Variants in WWP1 observed in about 807,000 individuals in gnomAD.
WWP1 encodes WW domain containing E3 ubiquitin protein ligase 1.
WWP1 carries 49 observed loss-of-function variants against 130.6 expected under a neutral mutation model. That is an observed-to-expected ratio of 0.38 (90% CI 0.30 to 0.48). The LOEUF is 0.48. WWP1 is among the 20% of genes least tolerant of loss of function. The pLI is 0.99. For synonymous variants in WWP1, 332 were observed against 367.8 expected, an observed-to-expected ratio of 0.90 and a Z score of 1.11; for missense variants, 809 against 1,100.6, an observed-to-expected ratio of 0.74 and a Z score of 3.75.
chr8:86,393,411 C>G (rs550682195), intron 5 of WWP1, among the ~76,000 whole-genome samples: 1 of 152,086 alleles, frequency 6.6e-6, no homozygotes, highest in South Asian at 2.1e-4. Context: ...CCATGCCTGG[C>G]TAATTTTTGT....
At position 86,402,486 on chromosome 8, in the gene WWP1, C is replaced by T. The variant is rs150233211; in HGVS notation, c.724+283C>T. On this transcript the variant is annotated intron_variant, in intron 8 of 24. Transcript: ENST00000517970. ...TGTATTTTTAATAGAGACAGAGTTT[C>T]ACTTTTTTGGCAACTGGCTGGTCTC... Among the ~76,000 whole-genome samples the T allele has an allele frequency of 7.4e-3, 1,133 of 152,288 alleles. 14 individuals carry two copies. Among genetic ancestry groups the T allele is most frequent in the African/African-American group, 0.026 (1,071 of 41,560 alleles).
chr8:86,405,729 G>T (rs1428235941), intron 8 of WWP1, among the ~76,000 whole-genome samples: 1 of 151,998 alleles, frequency 6.6e-6, no homozygotes, highest in Non-Finnish European at 1.5e-5. Flanking sequence ...ATGAGGTTTT[G>T]CCATATTGCC....
At position 86,442,838 on chromosome 8, in the gene WWP1, T is replaced by A. The variant is rs549703116; in HGVS notation, c.1998+60T>A. 2,220 of 1,330,470 alleles carry A rather than the reference T, an allele frequency of 1.7e-3. 41 individuals carry two copies. The African/African-American group carries it at 0.046, about 27-fold the overall frequency. The allele number at this position is 1,330,470 out of a possible 1,614,324, so 82.4% of individuals were successfully genotyped here. A position where few individuals can be genotyped will look rare whatever the true frequency, so the allele number is the denominator to read the frequency against. On this transcript the variant is annotated intron_variant, in intron 18 of 24. Coordinates refer to ENST00000517970, the MANE Select transcript of WWP1 (RefSeq NM_007013.4). ...TTGTTACAAATGTATTAGAGAAGGCTTTTAAAAAAAAAAAAAAGGATAAGC... is the reference window on the plus strand; with the variant it reads ...TTGTTACAAATGTATTAGAGAAGGCATTTAAAAAAAAAAAAAAGGATAAGC...
At chr8:86,433,229 CTTTTT>C in intron 14 of WWP1, among the ~76,000 whole-genome samples, 1 of 119,040 alleles carries the variant, frequency 8.4e-6, no homozygotes, top group East Asian at 2.3e-4. Flanking sequence ...TCCTAAGCCT[CTTTTT>C]TTTTTTTTTT....
At chr8:86,390,679 C>T (rs1452322780) in intron 5 of WWP1, among the ~76,000 whole-genome samples, 2 of 148,800 alleles carry the variant, frequency 1.3e-5, no homozygotes, top group Non-Finnish European at 3.0e-5. Flanking sequence ...CAGAGGGAGA[C>T]CGTGGAAAGT....
chr8:86,360,541 A>T (rs893194429), intron 1 of WWP1, among the ~76,000 whole-genome samples: 1 of 152,178 alleles, frequency 6.6e-6, no homozygotes, highest in Admixed American at 6.5e-5. Flanking sequence ...CTGTCACAGC[A>T]TGGCTGGCTT....
rs146225070 is a variant in WWP1, at chr8:86,449,389, G to A, written c.2273+876G>A. On this transcript the variant is annotated intron_variant, in intron 20 of 24. Transcript: ENST00000517970. ...TTTCTTATTGCAACTACTCACCTCT[G>A]TGGTATAGTGCAAAGGTAGCTATAG... 8.5e-4 allele frequency among the ~76,000 whole-genome samples: 130 copies of A among 152,352 alleles called. 1 individual carries two copies. Among genetic ancestry groups the A allele is most frequent in the South Asian group, 2.5e-3 (12 of 4,822 alleles).
intron 3 of WWP1, among the ~76,000 whole-genome samples, chr8:86,378,004 T>C (rs150003704): frequency 2.8e-4 from 43 of 152,332 alleles, no homozygotes; most frequent in Non-Finnish European, 5.3e-4. Context: ...GCCACTGTTA[T>C]GCATTAGTAT....
chr8:86,343,485 C>T (rs1230219572), intron 1 of WWP1, among the ~76,000 whole-genome samples: 1 of 137,662 alleles, frequency 7.3e-6, no homozygotes, highest in Non-Finnish European at 1.5e-5. Context: ...GTTCCAGTGA[C>T]CTTGCAGATT....
At chr8:86,442,841 TAAA>T (rs71275852) in intron 18 of WWP1, 63 bp downstream of exon 18, 1,836 of 1,191,776 alleles carry the variant, frequency 1.5e-3, no homozygotes, top group Middle Eastern at 3.3e-3. Context: ...AGAAGGCTTT[TAAA>T]AAAAAAAAAA....
intron 1 of WWP1, among the ~76,000 whole-genome samples, chr8:86,368,576 G>A (rs1328017315): frequency 6.6e-6 from 1 of 152,068 alleles, no homozygotes; most frequent in Non-Finnish European, 1.5e-5. Context: ...TCTCATCACT[G>A]AAACCATCAG....
chr8:86,392,797 G>T (rs1451318727), intron 5 of WWP1, among the ~76,000 whole-genome samples: 4 of 152,072 alleles, frequency 2.6e-5, no homozygotes, highest in Non-Finnish European at 5.9e-5. Flanking sequence ...TCAAAGCTTT[G>T]AATAAACAGT....
intron 9 of WWP1, among the ~76,000 whole-genome samples, chr8:86,421,886 A>C (rs1224834230): frequency 6.6e-6 from 1 of 152,110 alleles, no homozygotes; most frequent in African/African-American, 2.4e-5. Context: ...GGGAAAAGCT[A>C]TTTGATCCTC....
At chr8:86,462,999 T>C (rs1158754792) in intron 24 of WWP1, among the ~76,000 whole-genome samples, 1 of 152,138 alleles carries the variant, frequency 6.6e-6, no homozygotes, top group Non-Finnish European at 1.5e-5. Context: ...TGTGACAAAA[T>C]AGGAAGTCTG....
chr8:86,390,309 C>G (rs1353618421), intron 5 of WWP1, among the ~76,000 whole-genome samples: 3 of 152,192 alleles, frequency 2.0e-5, no homozygotes, highest in African/African-American at 7.2e-5. Flanking sequence ...TGGGCACAGG[C>G]TGCAATCTCG....
chr8:86,411,838 A>C lies in WWP1; in HGVS notation c.1025A>C (p.Gln342Pro). Reference sequence around the variant, plus strand: ...GGGTGTATGGATCCTGTACGGCAGCAGTCTGGGAATGCCAACACAGAAACC... The same window carrying C: ...GGGTGTATGGATCCTGTACGGCAGCCGTCTGGGAATGCCAACACAGAAACC... ...PDGCMDPVRQ[Q>P]SGNANTETLP... The change falls in exon 9 of 25, where the codon CAG (glutamine) becomes CCG (proline). Residue 342 changes from glutamine (Q) to proline (P), a missense_variant. Physicochemically the swap from Gln to Pro is moderately conservative, Grantham distance 76. This residue lies in a region of WWP1 where 97 missense variants were observed against 80.4 expected (regional missense o/e 1.21). Coordinates refer to ENST00000517970, the MANE Select transcript of WWP1 (RefSeq NM_007013.4). 6.2e-7 allele frequency: 1 copy of C among 1,611,946 alleles called. No homozygotes were observed. The highest frequency in any genetic ancestry group is 8.5e-7 in the Non-Finnish European group (1 of 1,178,464).
chr8:86,448,725 CT>C (rs1049246040), intron 20 of WWP1, among the ~76,000 whole-genome samples: 1 of 152,088 alleles, frequency 6.6e-6, no homozygotes, highest in Non-Finnish European at 1.5e-5. Flanking sequence ...GTCATTTTCC[CT>C]TTTTTAACTT....
intron 8 of WWP1, among the ~76,000 whole-genome samples, chr8:86,406,641 A>C (rs1286671295): frequency 6.6e-6 from 1 of 152,138 alleles, no homozygotes; most frequent in East Asian, 1.9e-4. Context: ...TTCACATTTC[A>C]CCATTTCTAC....
At chr8:86,356,909 A>C (rs759200102) in intron 1 of WWP1, among the ~76,000 whole-genome samples, 2 of 150,042 alleles carry the variant, frequency 1.3e-5, no homozygotes, top group Non-Finnish European at 2.9e-5. Flanking sequence ...AACTGTAAGC[A>C]TAAATTAAAT....
Sources: gnomAD v4.1 joint callset for allele counts (sites outside exome capture counted in the v4.1 genomes callset) on GRCh38, gnomAD v4.1.1 for gene constraint, gnomAD v4.1.1 regional missense constraint, MANE v1.5 for transcripts, NCBI Gene and HGNC (gene_info 2026-07-23, HGNC 2026-07-21) for gene names.